Variants in GPC5 observed in about 807,000 individuals in gnomAD.
GPC5 encodes glypican-5.
A neutral mutation model predicts 53.9 loss-of-function variants in GPC5; 47 were observed. The observed-to-expected ratio is 0.87, with a 90% confidence interval of 0.69 to 1.11. GPC5 has a LOEUF of 1.11. GPC5 is among the 50% of genes most tolerant of loss of function. GPC5 has a pLI of 0.00. For missense variants in GPC5, 748 were observed against 713.1 expected, an observed-to-expected ratio of 1.05 and a Z score of -0.56; for synonymous variants, 286 against 263.3, an observed-to-expected ratio of 1.09 and a Z score of -0.84.
chr13:92,778,015 G>T (rs907158949), intron 7 of GPC5, among the ~76,000 whole-genome samples: 7 of 152,124 alleles, frequency 4.6e-5, no homozygotes, highest in African/African-American at 1.7e-4. Context: ...TCCAGGATGT[G>T]GCAAATTTGT....
chr13:92,276,754 G>A (rs1275655380), intron 7 of GPC5, among the ~76,000 whole-genome samples: 1 of 152,038 alleles, frequency 6.6e-6, no homozygotes, highest in Non-Finnish European at 1.5e-5. Context: ...ATCCTAAGAT[G>A]CAATGATCCA....
At chr13:92,527,194 A>AGAAAGAAAG (rs1491151843) in intron 7 of GPC5, among the ~76,000 whole-genome samples, 1 of 23,970 alleles carries the variant, frequency 4.2e-5, no homozygotes, top group Non-Finnish European at 6.6e-5. Flanking sequence ...AGAAAGAAAG[A>AGAAAGAAAG]AAGAAAGAAA....
At chr13:91,880,944 C>T (rs2039257566) in intron 5 of GPC5, among the ~76,000 whole-genome samples, 1 of 152,092 alleles carries the variant, frequency 6.6e-6, no homozygotes, top group South Asian at 2.1e-4. Context: ...GCGTCCGCCA[C>T]CACACAGGGC....
intron 7 of GPC5, among the ~76,000 whole-genome samples, chr13:92,371,527 A>G (rs1262793863): frequency 2.6e-5 from 4 of 152,136 alleles, no homozygotes; most frequent in Non-Finnish European, 5.9e-5. Context: ...AAGACTGGAT[A>G]ATTTAGAAAG....
intron 2 of GPC5, among the ~76,000 whole-genome samples, chr13:91,568,546 A>G (rs1009606950): frequency 2.0e-5 from 3 of 149,992 alleles, no homozygotes; most frequent in Non-Finnish European, 4.4e-5. Flanking sequence ...CTAGGGAAAA[A>G]GTAGAGCTTT....
At chr13:92,346,293 T>A (rs1259081738) in intron 7 of GPC5, among the ~76,000 whole-genome samples, 1 of 152,072 alleles carries the variant, frequency 6.6e-6, no homozygotes, top group Non-Finnish European at 1.5e-5. Context: ...CAACTGCAGA[T>A]CCCATACAGT....
At chr13:91,895,933 T>C (rs2039436352) in intron 5 of GPC5, among the ~76,000 whole-genome samples, 1 of 152,006 alleles carries the variant, frequency 6.6e-6, no homozygotes, top group African/African-American at 2.4e-5. Context: ...CTCACCTCTT[T>C]GAGCTCTGGC....
intron 7 of GPC5, among the ~76,000 whole-genome samples, chr13:92,633,932 A>T (rs1885336924): frequency 6.6e-6 from 1 of 152,100 alleles, no homozygotes; most frequent in African/African-American, 2.4e-5. Context: ...ATGTATGTGT[A>T]GTTATTATGT....
chr13:92,588,385 T>G (rs1207179701), intron 7 of GPC5, among the ~76,000 whole-genome samples: 3 of 152,232 alleles, frequency 2.0e-5, no homozygotes, highest in East Asian at 1.9e-4. Context: ...ACATGTTTAT[T>G]GCAGCCTTAA....
intron 7 of GPC5, among the ~76,000 whole-genome samples, chr13:92,367,783 T>G (rs1417343420): frequency 6.6e-6 from 1 of 152,172 alleles, no homozygotes; most frequent in African/African-American, 2.4e-5. Context: ...AAAAACACAA[T>G]TTCCCTTGAG....
At chr13:91,705,883 CTT>C (rs11411010) in intron 3 of GPC5, among the ~76,000 whole-genome samples, 12 of 134,222 alleles carry the variant, frequency 8.9e-5, no homozygotes, top group Non-Finnish European at 7.9e-5. Context: ...TCTTTCTTTT[CTT>C]TTTTTTTTTT....
chr13:92,244,163 C>A (rs2042633759), intron 7 of GPC5, among the ~76,000 whole-genome samples: 1 of 152,040 alleles, frequency 6.6e-6, no homozygotes, highest in Admixed American at 6.6e-5. Flanking sequence ...GAACTTCAGG[C>A]CTTAGTATAG....
At chr13:92,324,987 A>G (rs184560652) in intron 7 of GPC5, among the ~76,000 whole-genome samples, 2 of 151,934 alleles carry the variant, frequency 1.3e-5, no homozygotes, top group Non-Finnish European at 1.5e-5. Context: ...TTTAATTTGC[A>G]TAAGGAAAAA....
At chr13:92,008,311 C>G (rs549060989) in intron 6 of GPC5, among the ~76,000 whole-genome samples, 118 of 152,212 alleles carry the variant, frequency 7.8e-4, no homozygotes, top group African/African-American at 2.8e-3. Flanking sequence ...ATCCGCCCGC[C>G]TCGGCCTCCC....
chr13:91,848,844 A>G (rs938971267), intron 5 of GPC5, among the ~76,000 whole-genome samples: 2 of 152,214 alleles, frequency 1.3e-5, no homozygotes, highest in African/African-American at 4.8e-5. Flanking sequence ...AGATAGTACA[A>G]TTTTAGCTTT....
intron 7 of GPC5, among the ~76,000 whole-genome samples, chr13:92,837,054 G>T (rs763571333): frequency 1.3e-5 from 2 of 152,208 alleles, no homozygotes; most frequent in Non-Finnish European, 2.9e-5. Flanking sequence ...TTATGGAAGA[G>T]ACCTGATATC....
intron 7 of GPC5, among the ~76,000 whole-genome samples, chr13:92,752,635 C>A (rs1277264533): frequency 6.6e-6 from 1 of 152,088 alleles, no homozygotes; most frequent in East Asian, 1.9e-4. Context: ...GGTGCGCGCA[C>A]CGTGCGCGAG....
intron 3 of GPC5, among the ~76,000 whole-genome samples, chr13:91,701,256 A>T (rs143231906): frequency 6.6e-6 from 1 of 152,242 alleles, no homozygotes; most frequent in African/African-American, 2.4e-5. Context: ...TGTATAATAC[A>T]TTGTTATTAA....
chr13:92,134,439 G>A (rs963872560), intron 6 of GPC5, among the ~76,000 whole-genome samples: 39 of 152,200 alleles, frequency 2.6e-4, no homozygotes, highest in Admixed American at 7.2e-4. Flanking sequence ...GTGTTAGTTT[G>A]TATTACTTTT....
Sources: gnomAD v4.1 joint callset for allele counts (sites outside exome capture counted in the v4.1 genomes callset) on GRCh38, gnomAD v4.1.1 for gene constraint, MANE v1.5 for transcripts, NCBI Gene and HGNC (gene_info 2026-07-23, HGNC 2026-07-21) for gene names.